PEX7: variants seen among roughly 807,000 people sequenced by gnomAD.
PEX7 encodes peroxisomal biogenesis factor 7.
Under a neutral mutation model 47.5 loss-of-function variants are expected in PEX7, and 34 were observed. The ratio of observed to expected loss-of-function variants is 0.72; its 90% CI spans 0.54 to 0.95. The LOEUF is 0.95. Ranked by LOEUF, PEX7 falls within the 40% of genes least tolerant of loss-of-function variation. PEX7 has a pLI of 0.00. For synonymous variants in PEX7, 141 were observed against 148.8 expected, an observed-to-expected ratio of 0.95 and a Z score of 0.38; for missense variants, 394 against 400.3, an observed-to-expected ratio of 0.98 and a Z score of 0.13.
At chr6:136,839,039 G>A (rs981034148) in intron 3 of PEX7, among the ~76,000 whole-genome samples, 6 of 152,010 alleles carry the variant, frequency 3.9e-5, no homozygotes, top group African/African-American at 7.2e-5. Flanking sequence ...AAAATTAGCT[G>A]GTGTTGTGGT....
In PEX7 at chr6:136,861,108, A is replaced by C. The variant is rs144642328; in HGVS notation, c.527-5519A>C. The stretch of plus-strand genomic sequence containing the variant: ...TTTTTTTATTTTTATTTTTTGAGAC[A>C]GAGTCTGGCTCTATCACCCAGGCTG... On this transcript the variant is annotated intron_variant, in intron 5 of 9. Coordinates refer to ENST00000318471, the MANE Select transcript of PEX7 (RefSeq NM_000288.4). Among the ~76,000 whole-genome samples the C allele has an allele frequency of 1.8e-3, 267 of 152,220 alleles. 5 individuals carry two copies. The East Asian group carries it at 0.033, about 19-fold the overall frequency.
chr6:136,864,789 TAGAC>T lies in PEX7; in HGVS notation c.527-1835_527-1832del, dbSNP rs758687254. On this transcript the variant is annotated intron_variant, in intron 5 of 9. Coordinates refer to ENST00000318471, the MANE Select transcript of PEX7 (RefSeq NM_000288.4). ...CTTTACAGAAACGTGATGAAATTCT[TAGAC>T]AGCGCTGCATGTTGGGCATTCTGTG... Among the ~76,000 whole-genome samples, 3 of 152,298 alleles carry T rather than the reference TAGAC, an allele frequency of 2.0e-5. No individual in the cohort carries two copies. The South Asian group carries it at 6.2e-4, about 32-fold the overall frequency.
chr6:136,896,418 C>G (rs991469796), intron 8 of PEX7, among the ~76,000 whole-genome samples: 2 of 152,162 alleles, frequency 1.3e-5, no homozygotes, highest in Non-Finnish European at 2.9e-5. Context: ...GACAAAGCAT[C>G]TGTATGTTTC....
chr6:136,897,225 C>G (rs1165732846), intron 8 of PEX7, among the ~76,000 whole-genome samples: 2 of 152,172 alleles, frequency 1.3e-5, no homozygotes, highest in Non-Finnish European at 2.9e-5. Context: ...TGTATTTACT[C>G]TCTTTCAAAG....
At chr6:136,877,123 C>T (rs1453874112) in intron 8 of PEX7, among the ~76,000 whole-genome samples, 2 of 151,818 alleles carry the variant, frequency 1.3e-5, no homozygotes, top group East Asian at 1.9e-4. Flanking sequence ...GTTTGTTGGC[C>T]ACATTAATAT....
At chr6:136,829,987 GT>G (rs60230059) in intron 3 of PEX7, 7,795 of 592,514 alleles carry the variant, frequency 0.013, 37 homozygotes, top group South Asian at 0.055. Context: ...GCCAATTTCT[GT>G]TTTTTTTTTT....
chr6:136,846,423 C>T (rs1249562709), intron 5 of PEX7, among the ~76,000 whole-genome samples: 1 of 151,862 alleles, frequency 6.6e-6, no homozygotes, highest in Non-Finnish European at 1.5e-5. Context: ...GCATGTGTGC[C>T]ATGTTGGTGT....
chr6:136,906,358 TAATAA>T (rs1350332685), intron 9 of PEX7, among the ~76,000 whole-genome samples: 2 of 152,160 alleles, frequency 1.3e-5, no homozygotes, highest in Non-Finnish European at 2.9e-5. Context: ...CTATTAAAAA[TAATAA>T]GAGAGTCCAA....
chr6:136,873,195 A>G (rs1339681358), intron 8 of PEX7, among the ~76,000 whole-genome samples: 21 of 152,204 alleles, frequency 1.4e-4, no homozygotes, highest in Admixed American at 1.4e-3. Context: ...TCACTAAAAT[A>G]TATCCTGGAA....
intron 3 of PEX7, among the ~76,000 whole-genome samples, chr6:136,834,029 C>A (rs916630745): frequency 6.6e-6 from 1 of 152,134 alleles, no homozygotes; most frequent in Non-Finnish European, 1.5e-5. Context: ...ACAAAAAAAA[C>A]AACCATTCCG....
rs190288855 is a variant in PEX7 at position 136,866,767 on chromosome 6, C to T, written c.633+34C>T. On this transcript the variant is annotated intron_variant, in intron 6 of 9. Transcript: ENST00000318471. ...TATGGCTCTATCCTATGCTGCTGTC[C>T]TTCCTAATGTTAAAATGTTCTGAAT... The T allele has an allele frequency of 1.5e-3, 2,260 of 1,526,606 alleles. 1 individual carries two copies. Among genetic ancestry groups the T allele is most frequent in the Non-Finnish European group, 1.9e-3 (2,132 of 1,101,438 alleles). The allele number at this position is 1,526,606 out of a possible 1,614,324, so 94.6% of individuals were successfully genotyped here.
intron 5 of PEX7, among the ~76,000 whole-genome samples, chr6:136,852,311 G>A (rs1582749034): frequency 6.7e-6 from 1 of 148,934 alleles, no homozygotes; most frequent in Admixed American, 6.8e-5. Flanking sequence ...TCTGGCCAGG[G>A]CAATCAGGCA....
At chr6:136,912,588 A>T (rs574298070) in intron 9 of PEX7, among the ~76,000 whole-genome samples, 1 of 152,206 alleles carries the variant, frequency 6.6e-6, no homozygotes, top group African/African-American at 2.4e-5. Flanking sequence ...ACTTGTCTTT[A>T]TCCTAATCCT....
intron 9 of PEX7, among the ~76,000 whole-genome samples, chr6:136,909,975 G>A (rs115055225): frequency 0.016 from 2,373 of 152,186 alleles, 69 homozygotes; most frequent in African/African-American, 0.054. Flanking sequence ...AAAAAAATAG[G>A]CATAGATGAG....
At chr6:136,863,540 G>A (rs778654081) in intron 5 of PEX7, among the ~76,000 whole-genome samples, 10 of 152,110 alleles carry the variant, frequency 6.6e-5, no homozygotes, top group Non-Finnish European at 1.3e-4. Context: ...ATTCATGACT[G>A]TTGTGGCCTC....
At chr6:136,823,098 C>T in intron 1 of PEX7, 1 of 985,390 alleles carries the variant, frequency 1.0e-6, no homozygotes, top group Non-Finnish European at 1.2e-6. Context: ...CCCAGGCACA[C>T]GTCCCCGTAG....
At position 136,831,967 on chromosome 6, in the gene PEX7, G is replaced by A. The variant is rs1774301764; in HGVS notation, c.339+5498G>A. Among the ~76,000 whole-genome samples the A allele has an allele frequency of 2.0e-5, 3 of 152,216 alleles. No individual in the cohort carries two copies. The South Asian group carries it at 6.2e-4, about 31-fold the overall frequency. ...TGAATCTACCTTTCTGGGGCCTGGG[G>A]GACAGTGGCTCTCTCCTCACAACTC... On this transcript the variant is annotated intron_variant, in intron 3 of 9. Transcript: ENST00000318471.
In PEX7 at chr6:136,825,215, C is replaced by T. The variant is rs774015364; in HGVS notation, c.132C>T (p.Gly44=). 4 of 1,613,272 alleles carry T rather than the reference C, an allele frequency of 2.5e-6. No homozygotes were observed. In the South Asian group the frequency reaches 3.3e-5, roughly 13 times the overall value. The change falls in exon 2 of 10, where the codon GGC becomes GGT. Residue 44 remains glycine (G), a splice_region_variant and synonymous_variant. Coordinates refer to ENST00000318471, the MANE Select transcript of PEX7 (RefSeq NM_000288.4). ...GACCTTGATTTTTTTTCTCTTTAGG[C>T]TGTGGAACCCTACTAATATTGGATC... ...CATAQHYGIA[G]CGTLLILDPD...
intron 9 of PEX7, 93 bp from the exon 10 acceptor site, chr6:136,913,365 T>C: frequency 4.7e-6 from 4 of 848,660 alleles, no homozygotes; most frequent in Non-Finnish European, 8.2e-6. Context: ...AGTGGATGAT[T>C]TACGACACTC....
Sources: gnomAD v4.1 joint callset for allele counts (sites outside exome capture counted in the v4.1 genomes callset) on GRCh38, gnomAD v4.1.1 for gene constraint, MANE v1.5 for transcripts, NCBI Gene and HGNC (gene_info 2026-07-23, HGNC 2026-07-21) for gene names.